The following ARRB1 variants were observed in gnomAD, a reference collection of about 807,000 sequenced individuals.
ARRB1 encodes arrestin beta 1.
Under a neutral mutation model 56.8 loss-of-function variants are expected in ARRB1, and 21 were observed. That is an observed-to-expected ratio of 0.37 (90% CI 0.26 to 0.53). The LOEUF (loss-of-function observed/expected upper bound fraction) is 0.53. ARRB1 is among the 20% of genes least tolerant of loss of function. The pLI, the probability that ARRB1 is intolerant of heterozygous loss-of-function variation, is 0.88. For missense variants in ARRB1, 424 were observed against 553.7 expected, an observed-to-expected ratio of 0.77 and a Z score of 2.35; for synonymous variants, 210 against 218.6, an observed-to-expected ratio of 0.96 and a Z score of 0.35.
At chr11:75,330,542 G>A (rs541171148) in intron 1 of ARRB1, among the ~76,000 whole-genome samples, 4 of 152,312 alleles carry the variant, frequency 2.6e-5, no homozygotes, top group African/African-American at 7.2e-5. Flanking sequence ...GCCTGCCTGG[G>A]TAATAAACTC....
At chr11:75,277,018 G>T (rs1946215775) in intron 9 of ARRB1, 107 bp from the exon 10 acceptor site, 1 of 1,100,354 alleles carries the variant, frequency 9.1e-7, no homozygotes, top group African/African-American at 1.5e-5. Context: ...AATGGCCAGA[G>T]GCCACCAGTG....
chr11:75,297,395 T>A (rs558785865), intron 1 of ARRB1, among the ~76,000 whole-genome samples: 2 of 152,254 alleles, frequency 1.3e-5, no homozygotes, highest in South Asian at 4.1e-4. Flanking sequence ...CAATGGGATA[T>A]AATTGAGAGT....
intron 1 of ARRB1, among the ~76,000 whole-genome samples, chr11:75,327,165 A>G (rs7108631): frequency 0.6 from 90,819 of 150,604 alleles, 27,956 homozygotes; most frequent in African/African-American, 0.73. Flanking sequence ...AGCTGGGCGC[A>G]GTGGCGGGTG....
chr11:75,290,069 G>T (rs757138297), intron 1 of ARRB1, 30 bp from the exon 2 acceptor site: 2 of 1,613,842 alleles, frequency 1.2e-6, no homozygotes, highest in Non-Finnish European at 1.7e-6. Flanking sequence ...TCAGGCCAGG[G>T]TTCGCGTATC....
intron 1 of ARRB1, chr11:75,311,955 C>T (rs1248905742): frequency 9.2e-7 from 1 of 1,091,246 alleles, no homozygotes; most frequent in Non-Finnish European, 1.2e-6. Context: ...GGCAGAGGAA[C>T]CAAGCAGCAG....
rs777951315 is a variant in ARRB1 at position 75,266,159 on chromosome 11, C to T, written c.*4G>A. On this transcript the variant is annotated 3_prime_UTR_variant, in exon 16 of 16. Transcript: ENST00000420843. Reference sequence around the variant, plus strand: ...GGAGCCACGTGGAGGCAGGGCCGGCCCGTCTATCTGTTGTTGAGCTGTGGA... The same window carrying T: ...GGAGCCACGTGGAGGCAGGGCCGGCTCGTCTATCTGTTGTTGAGCTGTGGA... The T allele has an allele frequency of 2.5e-6, 4 of 1,613,454 alleles. No homozygotes were observed. Among genetic ancestry groups the T allele is most frequent in the Non-Finnish European group, 3.4e-6 (4 of 1,179,390 alleles).
chr11:75,324,505 G>A (rs543871143), intron 1 of ARRB1, among the ~76,000 whole-genome samples: 69 of 152,296 alleles, frequency 4.5e-4, no homozygotes, highest in Non-Finnish European at 7.5e-4. Context: ...GGAGGCACTA[G>A]CAAGGGCCGT....
chr11:75,305,625 C>A (rs1947010828), intron 1 of ARRB1, among the ~76,000 whole-genome samples: 1 of 152,080 alleles, frequency 6.6e-6, no homozygotes, highest in African/African-American at 2.4e-5. Context: ...TGGGTGTAAC[C>A]CTAAGTAGAG....
At chr11:75,325,317 C>CTTTGTT (rs770456118) in intron 1 of ARRB1, among the ~76,000 whole-genome samples, 2 of 152,100 alleles carry the variant, frequency 1.3e-5, no homozygotes, top group East Asian at 3.9e-4. Context: ...AGGCAGTTTA[C>CTTTGTT]TTTGTTTTTG....
intron 1 of ARRB1, among the ~76,000 whole-genome samples, chr11:75,319,640 A>G (rs1233735153): frequency 6.6e-6 from 1 of 152,128 alleles, no homozygotes; most frequent in South Asian, 2.1e-4. Flanking sequence ...AAATTTAATA[A>G]GCATCTGCCC....
chr11:75,321,372 G>T (rs1591973773), intron 1 of ARRB1, among the ~76,000 whole-genome samples: 1 of 151,636 alleles, frequency 6.6e-6, no homozygotes, highest in South Asian at 2.1e-4. Flanking sequence ...CAGGCTTGGA[G>T]CCCAAGGGGA....
intron 3 of ARRB1, 44 bp downstream of exon 3, chr11:75,287,271 G>A (rs1306364915): frequency 2.0e-6 from 3 of 1,535,272 alleles, no homozygotes; most frequent in Non-Finnish European, 2.6e-6. Flanking sequence ...GGCTTGGCCA[G>A]CCACATCTTC....
rs631651 is a variant in ARRB1, at chr11:75,283,033, C to A, written c.354+254G>T. On this transcript the variant is annotated intron_variant, in intron 5 of 15. Transcript: ENST00000420843. Reference sequence around the variant, plus strand: ...CTTTCTCTGAAGCCCCTTAGCACCCCCTTTCTCCCACCAATGACCTGGCCT... The same window carrying A: ...CTTTCTCTGAAGCCCCTTAGCACCCACTTTCTCCCACCAATGACCTGGCCT... Among the ~76,000 whole-genome samples the A allele has an allele frequency of 5.9e-5, 9 of 152,100 alleles. No individual in the cohort carries two copies. The highest frequency in any genetic ancestry group is 8.8e-5 in the Non-Finnish European group (6 of 67,972).
rs557704588 is a variant in ARRB1 at position 75,304,965 on chromosome 11, ACT to A, written c.21-14928_21-14927del. ...CTAATGTGAACTTACAATTAAATAAACTCTATTAAAAGCAAAGGGAATGCATT... is the reference window on the plus strand; with the variant it reads ...CTAATGTGAACTTACAATTAAATAAACTATTAAAAGCAAAGGGAATGCATT... On this transcript the variant is annotated intron_variant, in intron 1 of 15. Coordinates refer to ENST00000420843, the MANE Select transcript of ARRB1 (RefSeq NM_004041.5). Among the ~76,000 whole-genome samples the A allele has an allele frequency of 4.8e-4, 72 of 150,260 alleles. 1 individual carries two copies. The highest frequency in any genetic ancestry group is 9.0e-4 in the Non-Finnish European group (61 of 67,548).
Position 75,262,127 on chromosome 11 carries a change from A to G in ARRB1, c.*4036T>C, listed in dbSNP as rs376025219. The stretch of plus-strand genomic sequence containing the variant: ...CAGTTGCTCCTGGAAGAGGCCTTAC[A>G]CTTTGAAGGGAAGGAACAGACAATT... On this transcript the variant is annotated 3_prime_UTR_variant, in exon 16 of 16. Transcript: ENST00000420843. 2.6e-5 allele frequency: 4 copies of G among 152,294 alleles called. No homozygotes were observed. Among genetic ancestry groups the G allele is most frequent in the Non-Finnish European group, 4.4e-5 (3 of 68,030 alleles). The allele number at this position is 152,294 out of a possible 1,614,324, so 9.4% of individuals were successfully genotyped here. A position where few individuals can be genotyped will look rare whatever the true frequency, so the allele number is the denominator to read the frequency against.
intron 1 of ARRB1, among the ~76,000 whole-genome samples, chr11:75,324,968 G>A (rs922962230): frequency 1.3e-5 from 2 of 152,098 alleles, no homozygotes; most frequent in African/African-American, 4.8e-5. Context: ...AGGCAGGGAG[G>A]GATGCAGGTG....
chr11:75,308,542 A>G (rs1052743136), intron 1 of ARRB1, among the ~76,000 whole-genome samples: 1 of 152,180 alleles, frequency 6.6e-6, no homozygotes, highest in Admixed American at 6.5e-5. Context: ...TCAGGAATTC[A>G]AGACCAGCCT....
chr11:75,283,422 C>G lies in ARRB1; in HGVS notation c.219G>C (p.Leu73=). ...YGREDLDVLG[L]TFRKDLFVAN... ...CCACAAACAGGTCCTTGCGAAAGGT[C>G]AGGCCCAGGACATCCAGGTCCTCCC... Residue 73 remains leucine (L), a synonymous_variant, in exon 5 of 16, where the codon CTG becomes CTC. Coordinates refer to ENST00000420843, the MANE Select transcript of ARRB1 (RefSeq NM_004041.5). The G allele has an allele frequency of 6.2e-7, 1 of 1,614,142 alleles. No individual in the cohort carries two copies. The highest frequency in any genetic ancestry group is 8.5e-7 in the Non-Finnish European group (1 of 1,179,966).
intron 1 of ARRB1, among the ~76,000 whole-genome samples, chr11:75,327,089 C>T (rs756594766): frequency 4.6e-4 from 70 of 151,858 alleles, no homozygotes; most frequent in Non-Finnish European, 7.5e-4. Flanking sequence ...CCGAGGCGGG[C>T]GGGTCACGAG....
Sources: gnomAD v4.1 joint callset for allele counts (sites outside exome capture counted in the v4.1 genomes callset) on GRCh38, gnomAD v4.1.1 for gene constraint, MANE v1.5 for transcripts, NCBI Gene and HGNC (gene_info 2026-07-23, HGNC 2026-07-21) for gene names.